Variants in SLC35D4 observed in about 807,000 individuals in gnomAD.
The protein encoded by SLC35D4 is UDP-N-acetylglucosamine transporter SLC35D4.
the SLC35D4 span, among the ~76,000 whole-genome samples, chr18:23,417,118 T>TGTA: frequency 2.6e-5 from 4 of 152,100 alleles, no homozygotes; most frequent in East Asian, 7.7e-4. Flanking sequence ...AGTGCACACG[T>TGTA]GTAGTCCCAG....
At chr18:23,420,417 A>C in the SLC35D4 span, among the ~76,000 whole-genome samples, 1 of 152,030 alleles carries the variant, frequency 6.6e-6, no homozygotes, top group East Asian at 1.9e-4. Context: ...GCTGTGTCTC[A>C]GGCTAGAGTG....
At chr18:23,410,127 T>C in the SLC35D4 span, among the ~76,000 whole-genome samples, 2 of 152,152 alleles carry the variant, frequency 1.3e-5, no homozygotes, top group Non-Finnish European at 2.9e-5. Flanking sequence ...TCTTGTCTCA[T>C]ATCATGGTGT....
chr18:23,327,889 G>T, the SLC35D4 span, among the ~76,000 whole-genome samples: 1,453 of 152,250 alleles, frequency 9.5e-3, 23 homozygotes, highest in African/African-American at 0.033. Flanking sequence ...GGGATGCAAG[G>T]CTGATTCAAC....
chr18:23,369,750 A>G, the SLC35D4 span, among the ~76,000 whole-genome samples: 1 of 152,168 alleles, frequency 6.6e-6, no homozygotes, highest in Admixed American at 6.5e-5. Context: ...CAGCAAGAAG[A>G]GGGCCGGCTT....
At chr18:23,361,578 G>A in the SLC35D4 span, among the ~76,000 whole-genome samples, 1 of 152,106 alleles carries the variant, frequency 6.6e-6, no homozygotes, top group Admixed American at 6.5e-5. Context: ...CAGCTAGCAG[G>A]AAACTTCAAC....
chr18:23,247,944 G>A, the SLC35D4 span, among the ~76,000 whole-genome samples: 1 of 152,158 alleles, frequency 6.6e-6, no homozygotes, highest in Non-Finnish European at 1.5e-5. Flanking sequence ...GGCCCTCCCT[G>A]CCCACTCCCT....
the SLC35D4 span, among the ~76,000 whole-genome samples, chr18:23,397,192 C>A: frequency 1.3e-5 from 2 of 152,278 alleles, no homozygotes; most frequent in East Asian, 1.9e-4. Flanking sequence ...CATGAATAGG[C>A]CTCCAAGTGT....
At chr18:23,380,110 A>G in the SLC35D4 span, among the ~76,000 whole-genome samples, 1 of 151,940 alleles carries the variant, frequency 6.6e-6, no homozygotes, top group South Asian at 2.1e-4. Flanking sequence ...CAAAACAAAA[A>G]AAAGAAGTCA....
chr18:23,248,538 T>TTTTTTTTTTTAA, the SLC35D4 span, among the ~76,000 whole-genome samples: 13 of 93,610 alleles, frequency 1.4e-4, no homozygotes, highest in Admixed American at 5.0e-4. Context: ...TTTTTTTTTT[T>TTTTTTTTTTTAA]AAAAAAAGGC....
chr18:23,430,679 T>G, the SLC35D4 span: 1 of 1,611,868 alleles, frequency 6.2e-7, no homozygotes, highest in East Asian at 2.2e-5. Context: ...CAGCACATAC[T>G]GAAAAACAAA....
At chr18:23,309,228 T>TTGTGTG in the SLC35D4 span, among the ~76,000 whole-genome samples, 19 of 145,764 alleles carry the variant, frequency 1.3e-4, no homozygotes, top group South Asian at 2.2e-4. Context: ...AAAGGGCTGA[T>TTGTGTG]TGTGTGTGTG....
chr18:23,416,295 T>C, the SLC35D4 span, among the ~76,000 whole-genome samples: 1 of 152,284 alleles, frequency 6.6e-6, no homozygotes, highest in East Asian at 1.9e-4. Context: ...CTCCATGGCC[T>C]ATGCTGCCCA....
At chr18:23,437,919 C>G in the SLC35D4 span, 3 of 1,529,812 alleles carry the variant, frequency 2.0e-6, no homozygotes, top group African/African-American at 2.8e-5. Flanking sequence ...CCGCCCGACC[C>G]CCGCAGCAGC....
chr18:23,302,142 G>A, the SLC35D4 span, among the ~76,000 whole-genome samples: 1 of 152,246 alleles, frequency 6.6e-6, no homozygotes, highest in African/African-American at 2.4e-5. Context: ...TGGGAGAGAT[G>A]GCGCCAGCCA....
At chr18:23,323,612 C>A in the SLC35D4 span, among the ~76,000 whole-genome samples, 2 of 152,188 alleles carry the variant, frequency 1.3e-5, no homozygotes, top group South Asian at 2.1e-4. Flanking sequence ...CCATGAAGAC[C>A]TTCCAGCTCT....
At chr18:23,370,209 AGTT>A in the SLC35D4 span, 1 of 1,587,128 alleles carries the variant, frequency 6.3e-7, no homozygotes, top group South Asian at 1.2e-5. Flanking sequence ...AAAAAAAAAG[AGTT>A]TACCTTAATG....
the SLC35D4 span, among the ~76,000 whole-genome samples, chr18:23,380,797 T>A: frequency 0.12 from 17,673 of 151,728 alleles, 1,114 homozygotes; most frequent in Middle Eastern, 0.19. Flanking sequence ...TGTGTGTGTA[T>A]GTGTGCATGA....
chr18:23,324,031 C>T, the SLC35D4 span, among the ~76,000 whole-genome samples: 3 of 150,166 alleles, frequency 2.0e-5, no homozygotes, highest in African/African-American at 4.9e-5. Context: ...TGCAGTGAAC[C>T]GAGATCACAC....
At chr18:23,250,923 C>T in the SLC35D4 span, among the ~76,000 whole-genome samples, 5,515 of 152,286 alleles carry the variant, frequency 0.036, 326 homozygotes, top group African/African-American at 0.13. Flanking sequence ...ATCACTTGAA[C>T]GGGGATGTGC....
Sources: gnomAD v4.1 joint callset for allele counts (sites outside exome capture counted in the v4.1 genomes callset) on GRCh38, gnomAD v4.1.1 for gene constraint, MANE v1.5 for transcripts, NCBI Gene and HGNC (gene_info 2026-07-23, HGNC 2026-07-21) for gene names.